The following MYO18A variants were observed in gnomAD, a reference collection of about 807,000 sequenced individuals.
The protein encoded by MYO18A is unconventional myosin-XVIIIa.
MYO18A carries 78 observed loss-of-function variants against 235.8 expected under a neutral mutation model. The ratio of observed to expected loss-of-function variants is 0.33; its 90% CI spans 0.28 to 0.40. The LOEUF (loss-of-function observed/expected upper bound fraction) is 0.40. Ranked by LOEUF, MYO18A falls within the 10% of genes least tolerant of loss-of-function variation. MYO18A has a pLI of 1.00. For synonymous variants in MYO18A, 977 were observed against 1,077.8 expected, an observed-to-expected ratio of 0.91 and a Z score of 1.83; for missense variants, 2,215 against 2,699.3, an observed-to-expected ratio of 0.82 and a Z score of 3.98.
rs1258806527 is a variant in MYO18A, at chr17:29,126,455, T to A, written c.1000-4202A>T. Among the ~76,000 whole-genome samples, 1 of 152,122 alleles carries A rather than the reference T, an allele frequency of 6.6e-6. No homozygotes were observed. Among genetic ancestry groups the A allele is most frequent in the African/African-American group, 2.4e-5 (1 of 41,426 alleles). The stretch of plus-strand genomic sequence containing the variant: ...AAATGCCCATGCCAGCTCCTCCCTG[T>A]GAGCAGGAACAGGCACTTCCCTGAT... On this transcript the variant is annotated intron_variant, in intron 2 of 41. Coordinates refer to ENST00000527372, the MANE Select transcript of MYO18A (RefSeq NM_078471.4). This position sits in a 1 kb window ranked among gnomAD's most constrained non-coding sequence, Gnocchi z 4.1.
At chr17:29,080,073 G>A in intron 41 of MYO18A, 1 of 985,960 alleles carries the variant, frequency 1.0e-6, no homozygotes, top group South Asian at 4.7e-5. Flanking sequence ...GCCGGCTCCG[G>A]CTCTTCCGGC....
At chr17:29,129,333 C>G (rs529227135) in intron 2 of MYO18A, among the ~76,000 whole-genome samples, 26 of 152,260 alleles carry the variant, frequency 1.7e-4, no homozygotes, top group South Asian at 1.7e-3. Flanking sequence ...GTTTGGAGAC[C>G]CCCTAGTTCC....
chr17:29,097,402 A>AGGGGCAGAGGGGAAGGAGGAT, intron 26 of MYO18A, 52 bp from the exon 27 acceptor site: 1 of 1,593,130 alleles, frequency 6.3e-7, no homozygotes, highest in Non-Finnish European at 8.5e-7. Flanking sequence ...AGTCCCCAGA[A>AGGGGCAGAGGGGAAGGAGGAT]GGGGCAGAGG....
intron 2 of MYO18A, among the ~76,000 whole-genome samples, chr17:29,145,751 G>A (rs1481608517): frequency 6.6e-6 from 1 of 152,138 alleles, no homozygotes; most frequent in Non-Finnish European, 1.5e-5. Flanking sequence ...GATCAGCAGA[G>A]GAGATAACAA....
At chr17:29,134,001 G>C in intron 2 of MYO18A, 1 of 422,954 alleles carries the variant, frequency 2.4e-6, no homozygotes, top group Non-Finnish European at 4.2e-6. Flanking sequence ...AAACTCAAGA[G>C]GGCATTGGAG....
At position 29,103,667 on chromosome 17, in the gene MYO18A, G is replaced by T. The variant is rs1264978573; in HGVS notation, c.3442-3C>A. 1 of 1,613,620 alleles carries T rather than the reference G, an allele frequency of 6.2e-7. No homozygotes were observed. Among genetic ancestry groups the T allele is most frequent in the South Asian group, 1.1e-5 (1 of 91,072 alleles). Reference sequence around the variant, plus strand: ...CACTCCAGCAGCTCCTCCACTGCCTGTGGAGAGAGGCCTCTGTCAGGCAGC... The same window carrying T: ...CACTCCAGCAGCTCCTCCACTGCCTTTGGAGAGAGGCCTCTGTCAGGCAGC... On this transcript the variant is annotated splice_region_variant and splice_polypyrimidine_tract_variant and intron_variant, in intron 20 of 41. Coordinates refer to ENST00000527372, the MANE Select transcript of MYO18A (RefSeq NM_078471.4).
chr17:29,131,438 T>C (rs748554097), intron 2 of MYO18A: 2 of 985,642 alleles, frequency 2.0e-6, no homozygotes, highest in Non-Finnish European at 2.4e-6. Flanking sequence ...GTCCTCCTCT[T>C]TAACCTGAGG....
chr17:29,150,735 C>T (rs1173937565), intron 2 of MYO18A, among the ~76,000 whole-genome samples: 2 of 152,222 alleles, frequency 1.3e-5, no homozygotes, highest in Non-Finnish European at 2.9e-5. Context: ...GTCTAGGCAG[C>T]AAGATCGCTT....
chr17:29,080,964 C>T (rs1271896827), intron 41 of MYO18A: 3 of 985,348 alleles, frequency 3.0e-6, no homozygotes, highest in Non-Finnish European at 3.6e-6. Flanking sequence ...CCACCGAGGA[C>T]GGCCTCTCCT....
rs2066582975 is a variant in MYO18A at position 29,098,707 on chromosome 17, T to C, written c.3780+119A>G. The C allele has an allele frequency of 3.7e-6, 5 of 1,365,266 alleles. No individual in the cohort carries two copies. The Middle Eastern group carries it at 6.4e-4, about 175-fold the overall frequency. 84.6% of individuals were successfully genotyped at this position (1,365,266 alleles called of 1,614,324 possible). A position where few individuals can be genotyped will look rare whatever the true frequency, so the allele number is the denominator to read the frequency against. On this transcript the variant is annotated intron_variant, in intron 23 of 41. Transcript: ENST00000527372. ...CCCCAGAGGGACATCTTCTATTTGA[T>C]GAGCACATTTCAAGGATGACAGCTC...
At chr17:29,134,520 TA>T (rs1375423450) in intron 2 of MYO18A, among the ~76,000 whole-genome samples, 1 of 151,868 alleles carries the variant, frequency 6.6e-6, no homozygotes, top group Non-Finnish European at 1.5e-5. Context: ...ACTCAAACTC[TA>T]TTTATTTATT....
At chr17:29,124,075 G>GTA (rs1049913335) in intron 2 of MYO18A, among the ~76,000 whole-genome samples, 2 of 151,826 alleles carry the variant, frequency 1.3e-5, no homozygotes, top group Non-Finnish European at 2.9e-5. Context: ...TTACAATGTT[G>GTA]TATATATATA....
At chr17:29,135,460 G>A (rs776553189) in intron 2 of MYO18A, among the ~76,000 whole-genome samples, 1 of 152,156 alleles carries the variant, frequency 6.6e-6, no homozygotes, top group Non-Finnish European at 1.5e-5. Context: ...ATTAGGAAAT[G>A]TTTTGTTTTC....
intron 30 of MYO18A, 180 bp downstream of exon 30, chr17:29,094,470 C>T (rs1286600050): frequency 3.2e-5 from 21 of 658,798 alleles, no homozygotes; most frequent in Admixed American, 5.7e-5. Flanking sequence ...GTTCCACGAG[C>T]GCGTCTTCAC....
rs2065903976 is a variant in MYO18A at position 29,073,095 on chromosome 17, A to AAGGG, written c.*1674_*1675insCCCT. On this transcript the variant is annotated 3_prime_UTR_variant, in exon 42 of 42. Coordinates refer to ENST00000527372, the MANE Select transcript of MYO18A (RefSeq NM_078471.4). ...AAAAAGAAAGAGAATGAAAGAAAGA[A>AAGGG]AGAGAGAGAGAGAGGGAGAGAGGGA... 6.6e-6 allele frequency: 1 copy of AAGGG among 150,608 alleles called. No individual in the cohort carries two copies. The highest frequency in any genetic ancestry group is 2.0e-4 in the East Asian group (1 of 5,114). The allele number at this position is 150,608 out of a possible 1,614,324, so 9.3% of individuals were successfully genotyped here.
intron 18 of MYO18A, 73 bp from the exon 19 acceptor site, chr17:29,110,174 C>T (rs1053843813): frequency 5.1e-6 from 8 of 1,557,896 alleles, no homozygotes; most frequent in Non-Finnish European, 6.9e-6. Context: ...CTGGTGCCAG[C>T]GTCTCCACTG....
Position 29,121,706 on chromosome 17 carries a change from G to A in MYO18A, c.1212C>T (p.Cys404=), listed in dbSNP as rs773345739. 53 of 1,566,708 alleles carry A rather than the reference G, an allele frequency of 3.4e-5. No individual in the cohort carries two copies. The highest frequency in any genetic ancestry group is 9.6e-5 in the Admixed American group (5 of 52,132). The change falls in exon 5 of 42, where the codon TGC becomes TGT. Residue 404 remains cysteine, a synonymous_variant. Coordinates refer to ENST00000527372, the MANE Select transcript of MYO18A (RefSeq NM_078471.4). The surrounding 1 kb of genome is among the most constrained non-coding windows in gnomAD (Gnocchi z 4.2). ...GTGAGGCCAGATCCTCCAGACGGTC[G>A]CAGGAGGGAGCATTAGCCTGTGTGG... is the stretch of plus-strand genomic sequence containing the variant. ...DDVEKANAPS[C]DRLEDLASLV...
Position 29,120,654 on chromosome 17 carries a change from A to C in MYO18A, c.1690T>G (p.Phe564Val). The C allele has an allele frequency of 1.2e-6, 2 of 1,614,022 alleles. No homozygotes were observed. The highest frequency in any genetic ancestry group is 1.7e-6 in the Non-Finnish European group (2 of 1,179,884). ...TRFSQILSLD[F>V]DQAGQVASAS... ...GAGGCCACCTGGCCAGCTTGGTCAA[A>C]GTCCAGGGAGAGGATCTGGGAGAAG... Residue 564 changes from phenylalanine to valine, a missense_variant, in exon 7 of 42, where the codon TTT becomes GTT. By Grantham distance (50) the Phe-to-Val change is conservative (BLOSUM62 -1). Transcript: ENST00000527372. The surrounding 1 kb of genome is among the most constrained non-coding windows in gnomAD (Gnocchi z 4.2).
intron 2 of MYO18A, among the ~76,000 whole-genome samples, chr17:29,141,660 T>G (rs902885536): frequency 6.6e-6 from 1 of 152,234 alleles, no homozygotes; most frequent in Non-Finnish European, 1.5e-5. Context: ...CAAGTCTCAC[T>G]GTCATATAGT....
Sources: allele counts gnomAD v4.1 joint callset (sites outside exome capture counted in the v4.1 genomes callset), GRCh38; gene constraint gnomAD v4.1.1; non-coding constraint Gnocchi (gnomAD v3.1); transcripts MANE v1.5; gene names NCBI Gene and HGNC (gene_info 2026-07-23, HGNC 2026-07-21).